Variants in STAMBPL1 observed in about 807,000 individuals in gnomAD.
The protein encoded by STAMBPL1 is AMSH-like protease.
In STAMBPL1, 44 loss-of-function variants were observed where a neutral mutation model predicts 52.9. The ratio of observed to expected loss-of-function variants is 0.83; its 90% CI spans 0.65 to 1.07. The LOEUF is 1.07. Ranked by LOEUF, STAMBPL1 falls within the 50% of genes least tolerant of loss-of-function variation. The pLI is 0.00. For missense variants in STAMBPL1, 511 were observed against 520.8 expected (o/e 0.98, Z 0.18); for synonymous variants, 164 against 177.3 (o/e 0.92, Z 0.60).
chr10:88,923,316 A>G lies in STAMBPL1; in HGVS notation c.*92A>G. On this transcript the variant is annotated 3_prime_UTR_variant, in exon 11 of 11. Transcript: ENST00000371926. ...CTTAAGATGTTTCCAGAAATGACTG[A>G]TATTTTATATTTATACATTTTAGAT... The G allele has an allele frequency of 6.8e-7, 1 of 1,465,658 alleles. No individual in the cohort carries two copies. Among genetic ancestry groups the G allele is most frequent in the Non-Finnish European group, 9.0e-7 (1 of 1,111,474 alleles). The allele number at this position is 1,465,658 out of a possible 1,614,324, so 90.8% of individuals were successfully genotyped here. A position where few individuals can be genotyped will look rare whatever the true frequency, so the allele number is the denominator to read the frequency against.
At position 88,913,234 on chromosome 10, in the gene STAMBPL1, A is replaced by G; in HGVS notation, c.554A>G (p.Lys185Arg). 6.2e-7 allele frequency: 1 copy of G among 1,613,924 alleles called. No homozygotes were observed. The highest frequency in any genetic ancestry group is 8.5e-7 in the Non-Finnish European group (1 of 1,179,854). ...EQFLFFEDQL[K>R]KQELARGQMR... Reference sequence around the variant, plus strand: ...TTTCTGTTTTTCGAAGATCAACTCAAGAAGCAAGAGTTAGCCCGAGGTCAA... The same window carrying G: ...TTTCTGTTTTTCGAAGATCAACTCAGGAAGCAAGAGTTAGCCCGAGGTCAA... The change falls in exon 6 of 11, where the codon AAG becomes AGG. Residue 185 changes from lysine to arginine, a missense_variant. Coordinates refer to ENST00000371926, the MANE Select transcript of STAMBPL1 (RefSeq NM_020799.4).
At chr10:88,922,486 C>A in intron 10 of STAMBPL1, 50 bp downstream of exon 10, 2 of 1,538,012 alleles carry the variant, frequency 1.3e-6, no homozygotes, top group East Asian at 2.3e-5. Flanking sequence ...GTTCACTGCC[C>A]CCCCAATCTG....
intron 1 of STAMBPL1, among the ~76,000 whole-genome samples, chr10:88,891,056 C>T (rs1325807295): frequency 4.6e-5 from 7 of 152,090 alleles, no homozygotes; most frequent in African/African-American, 7.2e-5. Flanking sequence ...GAGTCAATTC[C>T]GAGTTATAAT....
At position 88,921,436 on chromosome 10, in the gene STAMBPL1, C is replaced by T. The variant is rs772697315; in HGVS notation, c.1154+41C>T. The T allele has an allele frequency of 3.3e-6, 5 of 1,532,468 alleles. No homozygotes were observed. In the South Asian group the frequency reaches 4.5e-5, roughly 14 times the overall value. 94.9% of individuals were successfully genotyped at this position (1,532,468 alleles called of 1,614,324 possible). On this transcript the variant is annotated intron_variant, in intron 9 of 10. Transcript: ENST00000371926. ...CAGGGGAGACCAAAGAAGGCTTTGT[C>T]CAGGGCTGCTGGGTTCCTGTGTGTC...
chr10:88,886,983 C>T (rs1844550729), intron 1 of STAMBPL1, among the ~76,000 whole-genome samples: 2 of 152,230 alleles, frequency 1.3e-5, no homozygotes, highest in African/African-American at 4.8e-5. Context: ...AGAGGCTGTT[C>T]TGCCTTTGGG....
chr10:88,901,634 C>G, intron 1 of STAMBPL1, 22 bp from the exon 2 acceptor site: 2 of 1,517,658 alleles, frequency 1.3e-6, no homozygotes, highest in Non-Finnish European at 1.8e-6. Context: ...AACTTTAGTT[C>G]TGCTTCTTGT....
At chr10:88,917,852 G>A (rs1436877073) in intron 8 of STAMBPL1, among the ~76,000 whole-genome samples, 1 of 152,154 alleles carries the variant, frequency 6.6e-6, no homozygotes, top group Non-Finnish European at 1.5e-5. Context: ...CAAGGCACCA[G>A]CATTGATGTC....
At chr10:88,899,665 A>C (rs1056158342) in intron 1 of STAMBPL1, among the ~76,000 whole-genome samples, 4 of 151,802 alleles carry the variant, frequency 2.6e-5, no homozygotes, top group African/African-American at 9.7e-5. Context: ...GTGCACTACC[A>C]CGCCTGGCTA....
chr10:88,901,718 C>T lies in STAMBPL1; in HGVS notation c.10C>T (p.Pro4Ser). MDQ[P>S]FTVNSLKKLA... ...TCACAGATAAGACAACATGGATCAGCCTTTTACTGTGAATTCTCTGGTAGG... is the reference window on the plus strand; with the variant it reads ...TCACAGATAAGACAACATGGATCAGTCTTTTACTGTGAATTCTCTGGTAGG... The change falls in exon 2 of 11, where the codon CCT becomes TCT. Residue 4 changes from proline to serine, a missense_variant. Physicochemically the swap from Pro to Ser is moderately conservative, Grantham distance 74 (BLOSUM62 -1). Around this residue, in one of 3 missense-constraint regions of STAMBPL1, gnomAD observed 358 missense variants for 343.5 expected, o/e 1.04. Transcript: ENST00000371926. 1 of 1,612,160 alleles carries T rather than the reference C, an allele frequency of 6.2e-7. No homozygotes were observed. Among genetic ancestry groups the T allele is most frequent in the Non-Finnish European group, 8.5e-7 (1 of 1,179,184 alleles).
At chr10:88,887,353 A>C (rs187790423) in intron 1 of STAMBPL1, among the ~76,000 whole-genome samples, 28 of 152,318 alleles carry the variant, frequency 1.8e-4, no homozygotes, top group African/African-American at 6.5e-4. Flanking sequence ...TGAAAGAAAT[A>C]TAACTATCAT....
intron 5 of STAMBPL1, 192 bp from the exon 6 acceptor site, chr10:88,912,909 T>C: frequency 1.7e-6 from 1 of 597,876 alleles, no homozygotes; most frequent in Admixed American, 2.9e-5. Context: ...GATTTAGAAC[T>C]GCTATGTTAA....
intron 1 of STAMBPL1, among the ~76,000 whole-genome samples, chr10:88,900,533 A>G (rs1454168556): frequency 5.3e-5 from 8 of 152,214 alleles, no homozygotes; most frequent in Non-Finnish European, 1.5e-5. Context: ...TAACATTGAT[A>G]AAATATTGAC....
At chr10:88,893,213 A>G (rs948430257) in intron 1 of STAMBPL1, among the ~76,000 whole-genome samples, 3 of 152,236 alleles carry the variant, frequency 2.0e-5, no homozygotes, top group Non-Finnish European at 4.4e-5. Context: ...TCATTTGCCA[A>G]GTGTTTTATA....
chr10:88,889,226 A>C (rs1210771164), intron 1 of STAMBPL1, among the ~76,000 whole-genome samples: 1 of 152,154 alleles, frequency 6.6e-6, no homozygotes, highest in African/African-American at 2.4e-5. Flanking sequence ...GTATATATTA[A>C]ATGGTCAAGG....
At chr10:88,917,629 T>A (rs888204820) in intron 8 of STAMBPL1, among the ~76,000 whole-genome samples, 3 of 152,142 alleles carry the variant, frequency 2.0e-5, no homozygotes, top group African/African-American at 7.2e-5. Flanking sequence ...ACTCAGAAAA[T>A]TGTAACTGTT....
intron 1 of STAMBPL1, 49 bp from the exon 2 acceptor site, chr10:88,901,607 C>T (rs1844944470): frequency 1.6e-6 from 2 of 1,262,800 alleles, no homozygotes; most frequent in Non-Finnish European, 2.2e-6. Context: ...GGATTTCAAA[C>T]TTGGGTCTCA....
chr10:88,921,161 A>G (rs1396829483), intron 8 of STAMBPL1, 122 bp from the exon 9 acceptor site: 1 of 710,064 alleles, frequency 1.4e-6, no homozygotes, highest in Non-Finnish European at 2.2e-6. Context: ...AAACCTTTTT[A>G]AAAATCCTTA....
intron 1 of STAMBPL1, among the ~76,000 whole-genome samples, chr10:88,899,555 G>A (rs1271104947): frequency 6.6e-6 from 1 of 152,118 alleles, no homozygotes; most frequent in East Asian, 1.9e-4. Context: ...TGTCACCCAG[G>A]CTAGAGTGTA....
chr10:88,898,611 T>A (rs1385536970), intron 1 of STAMBPL1, among the ~76,000 whole-genome samples: 7 of 152,230 alleles, frequency 4.6e-5, no homozygotes, highest in Admixed American at 3.9e-4. Context: ...TATTTCTGAA[T>A]TATTAATATA....
Sources: gnomAD v4.1 joint callset for allele counts (sites outside exome capture counted in the v4.1 genomes callset) on GRCh38, gnomAD v4.1.1 for gene constraint, gnomAD v4.1.1 regional missense constraint, MANE v1.5 for transcripts, NCBI Gene and HGNC (gene_info 2026-07-23, HGNC 2026-07-21) for gene names.